The following ANK1 variants were observed in gnomAD, a reference collection of about 807,000 sequenced individuals.
ANK1 encodes ankyrin-1.
Under a neutral mutation model 210.4 loss-of-function variants are expected in ANK1, and 51 were observed. The ratio of observed to expected loss-of-function variants is 0.24; its 90% CI spans 0.19 to 0.31. The LOEUF is 0.31. Ranked by LOEUF, ANK1 falls within the 10% of genes least tolerant of loss-of-function variation. The pLI is 1.00. For missense variants in ANK1, 2,051 were observed against 2,504.4 expected (o/e 0.82, Z 3.86); for synonymous variants, 967 against 1,025.9 (o/e 0.94, Z 1.10).
At chr8:41,864,919 G>A (rs777817029) in intron 1 of ANK1, among the ~76,000 whole-genome samples, 4 of 152,318 alleles carry the variant, frequency 2.6e-5, no homozygotes, top group Non-Finnish European at 4.4e-5. Flanking sequence ...CTCCTCTCAG[G>A]GGAGGTCTGT....
chr8:41,733,169 C>T (rs1182804981), intron 3 of ANK1, among the ~76,000 whole-genome samples: 8 of 152,170 alleles, frequency 5.3e-5, no homozygotes, highest in Admixed American at 1.3e-4. Context: ...GAAGTTGAGT[C>T]ACTGGTATTT....
chr8:41,736,937 C>T (rs1833583614), intron 2 of ANK1, among the ~76,000 whole-genome samples: 1 of 152,176 alleles, frequency 6.6e-6, no homozygotes, highest in African/African-American at 2.4e-5. Flanking sequence ...CTCCAGGGCA[C>T]AGCCACACAC....
At chr8:41,825,965 C>T (rs370689763) in intron 1 of ANK1, among the ~76,000 whole-genome samples, 1 of 152,144 alleles carries the variant, frequency 6.6e-6, no homozygotes, top group African/African-American at 2.4e-5. Context: ...TAATAAATTA[C>T]CCAGTCTCGG....
intron 1 of ANK1, among the ~76,000 whole-genome samples, chr8:41,889,051 G>A (rs1397677969): frequency 6.6e-6 from 1 of 152,206 alleles, no homozygotes; most frequent in African/African-American, 2.4e-5. Context: ...ATGTTGCCCA[G>A]GTTGGTCTTG....
Position 41,837,319 on chromosome 8 carries a change from G to A in ANK1, c.126+59036C>T, listed in dbSNP as rs115554231. 5.0e-3 allele frequency among the ~76,000 whole-genome samples: 766 copies of A among 152,190 alleles called. 3 individuals carry two copies. The highest frequency in any genetic ancestry group is 0.017 in the African/African-American group (720 of 41,506). ...CAAAGACAGAAGCAGTCCCTGCCCT[G>A]GTGTACATTTCAGTCTACTTTTCAT... On this transcript the variant is annotated intron_variant, in intron 1 of 42. Coordinates refer to the ANK1 transcript ENST00000265709.
chr8:41,679,558 CTTTTT>C (rs869249907), intron 37 of ANK1, among the ~76,000 whole-genome samples: 1 of 90,240 alleles, frequency 1.1e-5, no homozygotes, highest in East Asian at 3.4e-4. Flanking sequence ...CCTGGACTTT[CTTTTT>C]TTTTTTTTTT....
chr8:41,723,660 G>T lies in ANK1; in HGVS notation c.712-27C>A, dbSNP rs1253915752. 9 of 1,604,800 alleles carry T rather than the reference G, an allele frequency of 5.6e-6. No individual in the cohort carries two copies. In the South Asian group the frequency reaches 7.7e-5, roughly 14 times the overall value. On this transcript the variant is annotated intron_variant, in intron 7 of 42. Coordinates refer to ENST00000289734, the MANE Select transcript of ANK1 (RefSeq NM_000037.4). Reference sequence around the variant, plus strand: ...TGAAGGGAGGAAGCAGGACGGTCAGGGCGCGTCATCCTTCCCTGGAATGCA... The same window carrying T: ...TGAAGGGAGGAAGCAGGACGGTCAGTGCGCGTCATCCTTCCCTGGAATGCA...
At chr8:41,671,190 A>T (rs899256462) in intron 38 of ANK1, among the ~76,000 whole-genome samples, 9 of 152,096 alleles carry the variant, frequency 5.9e-5, no homozygotes, top group Admixed American at 6.5e-5. Flanking sequence ...TCAGTGCGGG[A>T]AGCGTGGGGA....
chr8:41,686,939 G>A (rs570760859), intron 35 of ANK1, among the ~76,000 whole-genome samples: 2 of 152,256 alleles, frequency 1.3e-5, no homozygotes, highest in East Asian at 3.9e-4. Context: ...GTGATGGTGA[G>A]AATCAGAACA....
chr8:41,757,949 A>T, intron 2 of ANK1, 87 bp downstream of exon 2: 1 of 1,225,222 alleles, frequency 8.2e-7, no homozygotes, highest in Non-Finnish European at 1.2e-6. Context: ...AGAAAAGGTT[A>T]ATAGAGGCAG....
chr8:41,669,484 G>A (rs933535166), intron 38 of ANK1, among the ~76,000 whole-genome samples: 6 of 152,036 alleles, frequency 3.9e-5, no homozygotes, highest in African/African-American at 1.2e-4. Flanking sequence ...TTGTAGAGAT[G>A]GGTTCTGGCT....
intron 1 of ANK1, among the ~76,000 whole-genome samples, chr8:41,850,056 A>T (rs545281499): frequency 6.6e-6 from 1 of 151,652 alleles, no homozygotes; most frequent in East Asian, 2.0e-4. Context: ...GCTCCCACAC[A>T]TGAGATCCTC....
chr8:41,875,940 GC>G (rs936481120), intron 1 of ANK1, among the ~76,000 whole-genome samples: 4 of 152,008 alleles, frequency 2.6e-5, no homozygotes, highest in African/African-American at 9.7e-5. Context: ...CCCCAGAGGG[GC>G]CGGCGCGCGC....
At position 41,723,599 on chromosome 8, in the gene ANK1, C is replaced by T. The variant is rs1253435249; in HGVS notation, c.746G>A (p.Arg249Lys). 1 of 1,613,782 alleles carries T rather than the reference C, an allele frequency of 6.2e-7. No individual in the cohort carries two copies. The highest frequency in any genetic ancestry group is 2.2e-5 in the East Asian group (1 of 44,852). The change falls in exon 8 of 43, where the codon AGG becomes AAG. Residue 249 changes from arginine to lysine, a missense_variant. Arg to Lys is a conservative substitution (Grantham distance 26, BLOSUM62 2). Around this residue, in one of 6 missense-constraint regions of ANK1, gnomAD observed 1,413 missense variants for 1,707.4 expected, o/e 0.83. Transcript: ENST00000289734. ...CAGCCGCACCATGATCACGTTGCCCCTGCGGGAGGCGATGTGCAGTGGCGT... is the reference window on the plus strand; with the variant it reads ...CAGCCGCACCATGATCACGTTGCCCTTGCGGGAGGCGATGTGCAGTGGCGT... ...GITPLHIASR[R>K]GNVIMVRLLL... is the part of the protein sequence containing the mutation.
At chr8:41,867,032 T>C (rs1814595700) in intron 1 of ANK1, among the ~76,000 whole-genome samples, 2 of 152,338 alleles carry the variant, frequency 1.3e-5, no homozygotes, top group East Asian at 1.9e-4. Context: ...GGAACCTCCC[T>C]ACAGTGTTCC....
intron 1 of ANK1, among the ~76,000 whole-genome samples, chr8:41,830,286 T>A (rs1394768138): frequency 6.7e-6 from 1 of 149,770 alleles, no homozygotes; most frequent in Non-Finnish European, 1.5e-5. Flanking sequence ...ATACACACAT[T>A]TCTAGAAATT....
At chr8:41,878,035 A>C (rs986962143) in intron 1 of ANK1, among the ~76,000 whole-genome samples, 11 of 152,262 alleles carry the variant, frequency 7.2e-5, no homozygotes, top group African/African-American at 2.7e-4. Context: ...CCTGGAAAAC[A>C]GTCAACTGAA....
At chr8:41,806,032 C>T (rs1850918703) in intron 1 of ANK1, among the ~76,000 whole-genome samples, 1 of 152,198 alleles carries the variant, frequency 6.6e-6, no homozygotes, top group South Asian at 2.1e-4. Context: ...CTTTTCATAT[C>T]CTTTACACTT....
chr8:41,820,327 ATGTGTGTG>A (rs56359274), intron 1 of ANK1, among the ~76,000 whole-genome samples: 2,398 of 142,808 alleles, frequency 0.017, 27 homozygotes, highest in East Asian at 0.056. Flanking sequence ...ACCAAGCTAA[ATGTGTGTG>A]TGTGTGTGTG....
Sources: gnomAD v4.1 joint callset for allele counts (sites outside exome capture counted in the v4.1 genomes callset) on GRCh38, gnomAD v4.1.1 for gene constraint, gnomAD v4.1.1 regional missense constraint, MANE v1.5 for transcripts, NCBI Gene and HGNC (gene_info 2026-07-23, HGNC 2026-07-21) for gene names.